EYS: variants seen among roughly 807,000 people sequenced by gnomAD.
The protein encoded by EYS is protein eyes shut homolog.
EYS carries 250 observed loss-of-function variants against 282.1 expected under a neutral mutation model. The ratio of observed to expected loss-of-function variants is 0.89; its 90% confidence interval spans 0.80 to 0.98. EYS has a LOEUF of 0.98. EYS is among the 50% of genes least tolerant of loss of function. The pLI is 0.00. For missense variants in EYS, 4,016 were observed against 3,709.0 expected, an observed-to-expected ratio of 1.08 and a Z score of -2.15; for synonymous variants, 1,355 against 1,282.9, an observed-to-expected ratio of 1.06 and a Z score of -1.20.
At chr6:64,452,271 GAA>G in intron 26 of EYS, among the ~76,000 whole-genome samples, 1 of 152,052 alleles carries the variant, frequency 6.6e-6, no homozygotes, top group Non-Finnish European at 1.5e-5. Flanking sequence ...GCTTCAAAGA[GAA>G]TAAAATACCT....
intron 22 of EYS, among the ~76,000 whole-genome samples, chr6:64,783,668 TAAA>T (rs1773931181): frequency 1.3e-5 from 2 of 152,162 alleles, no homozygotes; most frequent in Admixed American, 6.5e-5. Context: ...CTATACCATT[TAAA>T]AATACACATG....
In EYS at chr6:64,080,405, T is replaced by G. The variant is rs567381359; in HGVS notation, c.6571+1451A>C. Among the ~76,000 whole-genome samples, 413 of 152,304 alleles carry G rather than the reference T, an allele frequency of 2.7e-3. 3 individuals are homozygous for G. Among genetic ancestry groups the G allele is most frequent in the African/African-American group, 9.5e-3 (393 of 41,566 alleles). On this transcript the variant is annotated intron_variant, in intron 32 of 42. Coordinates refer to ENST00000503581, the MANE Select transcript of EYS (RefSeq NM_001142800.2). ...TCCTTCACCCACTTGTTGATGGGGT[T>G]GTTTGTTTTTTTTCTTGTAAATTTG... is the stretch of plus-strand genomic sequence containing the variant.
intron 26 of EYS, among the ~76,000 whole-genome samples, chr6:64,558,735 CT>C (rs1372601257): frequency 3.9e-5 from 6 of 152,122 alleles, no homozygotes; most frequent in African/African-American, 1.4e-4. Flanking sequence ...AGTTTGGGAA[CT>C]TTTTAGGAAG....
At chr6:65,689,971 T>C (rs2149843885) in intron 1 of EYS, among the ~76,000 whole-genome samples, 1 of 150,056 alleles carries the variant, frequency 6.7e-6, no homozygotes, top group South Asian at 2.2e-4. Flanking sequence ...GCACTGGATA[T>C]ACCAGCATTT....
At chr6:64,175,632 G>A (rs1472021438) in intron 31 of EYS, among the ~76,000 whole-genome samples, 1 of 152,180 alleles carries the variant, frequency 6.6e-6, no homozygotes, top group African/African-American at 2.4e-5. Flanking sequence ...GAACACTGGG[G>A]CATCTCACCA....
At chr6:64,097,518 G>C (rs1026435448) in intron 31 of EYS, among the ~76,000 whole-genome samples, 2 of 152,112 alleles carry the variant, frequency 1.3e-5, no homozygotes, top group Admixed American at 6.6e-5. Flanking sequence ...TGCTAGCAAT[G>C]AACAAGGCTG....
At chr6:65,127,858 T>C (rs1031711854) in intron 12 of EYS, among the ~76,000 whole-genome samples, 1 of 152,120 alleles carries the variant, frequency 6.6e-6, no homozygotes, top group African/African-American at 2.4e-5. Flanking sequence ...AACTTTCCTC[T>C]CACTGTTTGT....
chr6:64,806,403 A>G (rs561069847), intron 22 of EYS, among the ~76,000 whole-genome samples: 2 of 152,102 alleles, frequency 1.3e-5, no homozygotes, highest in East Asian at 1.9e-4. Context: ...TCCTTCCTCA[A>G]TATGATACCA....
At chr6:64,521,712 A>T (rs1022644048) in intron 26 of EYS, among the ~76,000 whole-genome samples, 1 of 151,746 alleles carries the variant, frequency 6.6e-6, no homozygotes, top group Admixed American at 6.6e-5. Flanking sequence ...CTAATTTGGC[A>T]CTTCTTATTT....
chr6:63,859,749 C>T (rs764827231), intron 36 of EYS, among the ~76,000 whole-genome samples: 1 of 152,028 alleles, frequency 6.6e-6, no homozygotes, highest in African/African-American at 2.4e-5. Context: ...AGGAAAGCAG[C>T]TGCAAACTTC....
At chr6:65,504,337 T>G (rs1258241743) in intron 2 of EYS, among the ~76,000 whole-genome samples, 1 of 151,658 alleles carries the variant, frequency 6.6e-6, no homozygotes, top group Non-Finnish European at 1.5e-5. Flanking sequence ...TTAAGGCATT[T>G]TTTAATATTT....
intron 33 of EYS, among the ~76,000 whole-genome samples, chr6:64,030,020 T>A (rs949814148): frequency 6.6e-6 from 1 of 150,874 alleles, no homozygotes. Context: ...GCAATCAAAA[T>A]GGGAAGAAGA....
chr6:63,867,922 A>G (rs1772707208), intron 35 of EYS, among the ~76,000 whole-genome samples: 1 of 152,192 alleles, frequency 6.6e-6, no homozygotes, highest in Non-Finnish European at 1.5e-5. Flanking sequence ...TCCCTCTGAG[A>G]CAAATATTCT....
intron 11 of EYS, among the ~76,000 whole-genome samples, chr6:65,309,045 CATGGTATTAA>C (rs1276232938): frequency 5.3e-5 from 8 of 152,000 alleles, no homozygotes; most frequent in African/African-American, 1.7e-4. Context: ...TTGAGAATTG[CATGGTATTAA>C]AACCTATAGG....
intron 1 of EYS, among the ~76,000 whole-genome samples, chr6:65,660,644 C>T (rs773251329): frequency 9.2e-5 from 14 of 151,788 alleles, no homozygotes; most frequent in Admixed American, 2.6e-4. Context: ...CACACTCACA[C>T]GCAATTATAT....
intron 31 of EYS, among the ~76,000 whole-genome samples, chr6:64,133,433 G>A (rs937257174): frequency 4.6e-5 from 7 of 150,666 alleles, no homozygotes; most frequent in Non-Finnish European, 7.4e-5. Flanking sequence ...TTATCTGTGG[G>A]TTTTCTAAGA....
intron 1 of EYS, among the ~76,000 whole-genome samples, chr6:65,672,470 T>C (rs1768423978): frequency 6.6e-6 from 1 of 152,110 alleles, no homozygotes; most frequent in Admixed American, 6.6e-5. Flanking sequence ...AGCTGGGTCA[T>C]TTCAAGAAAA....
chr6:65,045,711 C>G (rs1402010395), intron 13 of EYS, among the ~76,000 whole-genome samples: 1 of 151,742 alleles, frequency 6.6e-6, no homozygotes, highest in Non-Finnish European at 1.5e-5. Context: ...GTTTATAAGC[C>G]ACTTAGTCTA....
At chr6:64,356,401 G>T (rs1771825500) in intron 29 of EYS, among the ~76,000 whole-genome samples, 1 of 151,470 alleles carries the variant, frequency 6.6e-6, no homozygotes, top group African/African-American at 2.4e-5. Flanking sequence ...ATGCTACATT[G>T]GTGTCCCATA....
Sources: gnomAD v4.1 joint callset for allele counts (sites outside exome capture counted in the v4.1 genomes callset) on GRCh38, gnomAD v4.1.1 for gene constraint, MANE v1.5 for transcripts, NCBI Gene and HGNC (gene_info 2026-07-23, HGNC 2026-07-21) for gene names.